USP13: variants seen among roughly 807,000 people sequenced by gnomAD.
USP13 encodes the protein ubiquitin carboxyl-terminal hydrolase 13.
USP13 carries 68 observed loss-of-function variants against 107.8 expected under a neutral mutation model. The ratio of observed to expected loss-of-function variants is 0.63; its 90% confidence interval spans 0.52 to 0.77. The LOEUF (loss-of-function observed/expected upper bound fraction) is 0.77. Among genes scored for constraint, USP13 ranks in the 30% least tolerant of loss-of-function variants. The pLI is 0.00. For missense variants in USP13, 945 were observed against 1,093.3 expected (o/e 0.86, Z 1.91); for synonymous variants, 377 against 389.5 (o/e 0.97, Z 0.38).
At chr3:179,763,950 CA>C (rs556912091) in intron 17 of USP13, 51 bp from the exon 18 acceptor site, 203,322 of 1,183,542 alleles carry the variant, frequency 0.17, 6 homozygotes, top group Middle Eastern at 0.2. Flanking sequence ...TGTTTCAGGA[CA>C]AAAAAAAAAA....
intron 8 of USP13, among the ~76,000 whole-genome samples, chr3:179,724,680 G>A (rs1198265937): frequency 6.6e-6 from 1 of 152,076 alleles, no homozygotes; most frequent in Non-Finnish European, 1.5e-5. Context: ...TATACAAATG[G>A]AATGACAACC....
intron 1 of USP13, among the ~76,000 whole-genome samples, chr3:179,658,921 T>C (rs1368698043): frequency 1.3e-5 from 2 of 152,202 alleles, no homozygotes; most frequent in African/African-American, 4.8e-5. Flanking sequence ...GCTAAGACTG[T>C]TGGGCCACAC....
intron 1 of USP13, among the ~76,000 whole-genome samples, chr3:179,657,783 A>AAG (rs1720319709): frequency 9.4e-5 from 14 of 148,378 alleles, no homozygotes; most frequent in African/African-American, 3.5e-4. Context: ...AAAAAAAAAA[A>AAG]AAAGAAAGAA....
chr3:179,731,757 C>T (rs554707041), intron 10 of USP13, among the ~76,000 whole-genome samples: 3 of 152,334 alleles, frequency 2.0e-5, no homozygotes, highest in South Asian at 2.1e-4. Context: ...CGTCCTCTCC[C>T]GTTGCCACAG....
At chr3:179,753,775 T>C (rs1420304030) in intron 14 of USP13, among the ~76,000 whole-genome samples, 5 of 152,210 alleles carry the variant, frequency 3.3e-5, no homozygotes, top group African/African-American at 1.2e-4. Flanking sequence ...TTTCAGGTTG[T>C]TTGCTAGCCC....
chr3:179,762,120 A>G (rs765322102), intron 17 of USP13, among the ~76,000 whole-genome samples: 3 of 152,194 alleles, frequency 2.0e-5, no homozygotes, highest in Non-Finnish European at 2.9e-5. Flanking sequence ...GGCAACCACG[A>G]ATCTGTTTTC....
intron 3 of USP13, among the ~76,000 whole-genome samples, chr3:179,700,515 T>G (rs907297717): frequency 2.0e-5 from 3 of 152,106 alleles, no homozygotes; most frequent in African/African-American, 4.8e-5. Flanking sequence ...TAACATTAAG[T>G]TTTGGAGCTA....
chr3:179,730,669 A>G lies in USP13; in HGVS notation c.1214A>G (p.Lys405Arg). The stretch of plus-strand genomic sequence containing the variant: ...GGCCAGTATTCAAAGCCTCCGGTGA[A>G]ATCTGAACTCATTGAACAGGTGATG... ...LSGQYSKPPV[K>R]SELIEQVMKE... The change falls in exon 10 of 21, where the codon AAA (lysine) becomes AGA (arginine). Residue 405 changes from lysine (K) to arginine (R), a missense_variant. Physicochemically the swap from Lys to Arg is conservative, Grantham distance 26 (BLOSUM62 2). Transcript: ENST00000263966. 6.2e-7 allele frequency: 1 copy of G among 1,614,136 alleles called. No individual in the cohort carries two copies. The highest frequency in any genetic ancestry group is 8.5e-7 in the Non-Finnish European group (1 of 1,180,014).
chr3:179,718,036 C>CT (rs1020504756), intron 6 of USP13, among the ~76,000 whole-genome samples: 12 of 152,056 alleles, frequency 7.9e-5, no homozygotes, highest in Non-Finnish European at 1.6e-4. Flanking sequence ...CTATGCATTA[C>CT]TTTTTTTCCT....
chr3:179,727,053 G>A (rs1304860274), intron 8 of USP13, among the ~76,000 whole-genome samples: 1 of 151,824 alleles, frequency 6.6e-6, no homozygotes, highest in Non-Finnish European at 1.5e-5. Flanking sequence ...TTCCTCATAC[G>A]GTTGCAATGA....
chr3:179,675,884 C>T (rs1720879157), intron 1 of USP13, among the ~76,000 whole-genome samples: 1 of 152,072 alleles, frequency 6.6e-6, no homozygotes, highest in Admixed American at 6.6e-5. Flanking sequence ...TGTCTACCAC[C>T]ATTACTTTAA....
At chr3:179,658,894 T>C (rs1451554723) in intron 1 of USP13, among the ~76,000 whole-genome samples, 2 of 152,156 alleles carry the variant, frequency 1.3e-5, no homozygotes, top group East Asian at 1.9e-4. Context: ...AAGCAAGAGG[T>C]CCTCAGTGCA....
intron 20 of USP13, among the ~76,000 whole-genome samples, chr3:179,783,207 A>G (rs1179543376): frequency 6.6e-6 from 1 of 152,178 alleles, no homozygotes; most frequent in East Asian, 1.9e-4. Flanking sequence ...TAAATAATTT[A>G]TAAATATAAA....
intron 1 of USP13, among the ~76,000 whole-genome samples, chr3:179,662,209 C>T (rs1720475908): frequency 6.6e-6 from 1 of 152,200 alleles, no homozygotes; most frequent in Non-Finnish European, 1.5e-5. Context: ...TAAGCTCATT[C>T]TTCCCCAGCG....
At chr3:179,729,194 G>A (rs1713700094) in intron 8 of USP13, among the ~76,000 whole-genome samples, 1 of 152,138 alleles carries the variant, frequency 6.6e-6, no homozygotes, top group Admixed American at 6.5e-5. Flanking sequence ...GAGTTGGGTG[G>A]GGCCAGGGGA....
chr3:179,742,996 A>G lies in USP13; in HGVS notation c.1534+646A>G, dbSNP rs1445943048. On this transcript the variant is annotated intron_variant, in intron 12 of 20. Transcript: ENST00000263966. The surrounding 1 kb of genome is among the most constrained non-coding windows in gnomAD (Gnocchi z 5.0). ...CTTCGAATTAACATCGTAGAAGCAAAAAAGACAAAATAGCTGCTGGATTGT... is the reference window on the plus strand; with the variant it reads ...CTTCGAATTAACATCGTAGAAGCAAGAAAGACAAAATAGCTGCTGGATTGT... Among the ~76,000 whole-genome samples the G allele has an allele frequency of 1.3e-5, 2 of 152,204 alleles. No homozygotes were observed. Among genetic ancestry groups the G allele is most frequent in the African/African-American group, 2.4e-5 (1 of 41,444 alleles).
chr3:179,704,262 A>T (rs1169020656), intron 4 of USP13, among the ~76,000 whole-genome samples: 1 of 152,188 alleles, frequency 6.6e-6, no homozygotes, highest in Non-Finnish European at 1.5e-5. Flanking sequence ...AGAAGATTCT[A>T]TTTGAGTCTT....
Position 179,784,073 on chromosome 3 carries a change from G to A in USP13, c.2524G>A (p.Val842Ile). 1 of 1,613,288 alleles carries A rather than the reference G, an allele frequency of 6.2e-7. No homozygotes were observed. Among genetic ancestry groups the A allele is most frequent in the Admixed American group, 1.7e-5 (1 of 59,834 alleles). ...GRWVIYNDHK[V>I]CASERPPKDL... ...ATGGGTGATTTACAATGACCACAAA[G>A]TTTGTGCCTCAGAAAGGCCCCCTAA... is the stretch of plus-strand genomic sequence containing the variant. Residue 842 changes from valine (V) to isoleucine (I), a missense_variant, in exon 21 of 21, where the codon GTT becomes ATT. Physicochemically the swap from Val to Ile is conservative, Grantham distance 29. Coordinates refer to ENST00000263966, the MANE Select transcript of USP13 (RefSeq NM_003940.3).
chr3:179,708,870 G>T lies in USP13; in HGVS notation c.718G>T (p.Gly240Trp), dbSNP rs768568907. Residue 240 changes from glycine to tryptophan, a missense_variant, in exon 6 of 21, where the codon GGG (glycine) becomes TGG (tryptophan). Gly to Trp is a radical substitution (Grantham distance 184, BLOSUM62 -2). Coordinates refer to ENST00000263966, the MANE Select transcript of USP13 (RefSeq NM_003940.3). ...LCGKWFFDSSGGNGHALEHYR... is the reference protein window; with the variant it reads ...LCGKWFFDSSWGNGHALEHYR... ...TGGAAAGTGGTTCTTTGACAGCTCT[G>T]GGGGCAACGGGCATGCGCTGGAGCA... 1 of 1,614,102 alleles carries T rather than the reference G, an allele frequency of 6.2e-7. No individual in the cohort carries two copies. Among genetic ancestry groups the T allele is most frequent in the Non-Finnish European group, 8.5e-7 (1 of 1,180,018 alleles).
Sources: gnomAD v4.1 joint callset for allele counts (sites outside exome capture counted in the v4.1 genomes callset) on GRCh38, gnomAD v4.1.1 for gene constraint, Gnocchi (gnomAD v3.1) non-coding constraint, MANE v1.5 for transcripts, NCBI Gene and HGNC (gene_info 2026-07-23, HGNC 2026-07-21) for gene names.